Variants in CEMIP2 observed in about 807,000 individuals in gnomAD.
CEMIP2 encodes the protein cell migration inducing hyaluronidase 2.
A neutral mutation model predicts 146.9 loss-of-function variants in CEMIP2; 79 were observed. That is an observed-to-expected ratio of 0.54 (90% CI 0.45 to 0.65). The LOEUF is 0.65. Ranked by LOEUF, CEMIP2 falls within the 30% of genes least tolerant of loss-of-function variation. The pLI, the probability that CEMIP2 is intolerant of heterozygous loss-of-function variation, is 0.00. For missense variants in CEMIP2, 1,596 were observed against 1,696.2 expected, an observed-to-expected ratio of 0.94 and a Z score of 1.04; for synonymous variants, 601 against 606.3, an observed-to-expected ratio of 0.99 and a Z score of 0.13.
chr9:71,685,061 A>T lies in CEMIP2; in HGVS notation c.*136T>A. 1.3e-6 allele frequency: 1 copy of T among 780,962 alleles called. No individual in the cohort carries two copies. Among genetic ancestry groups the T allele is most frequent in the Non-Finnish European group, 1.9e-6 (1 of 520,868 alleles). 48.4% of individuals were successfully genotyped at this position (780,962 alleles called of 1,614,324 possible). A position where few individuals can be genotyped will look rare whatever the true frequency, so the allele number is the denominator to read the frequency against. ...GCTGGTATCCAAGCAATAATTTCAA[A>T]CGCTTTCTTTTCTCCCCATTCTGTA... On this transcript the variant is annotated 3_prime_UTR_variant, in exon 24 of 24. Transcript: ENST00000377044.
intron 11 of CEMIP2, among the ~76,000 whole-genome samples, chr9:71,723,136 G>GAAAAAAAAAAAAAAAAAAAA (rs33948828): frequency 3.8e-5 from 4 of 104,228 alleles, no homozygotes; most frequent in Non-Finnish European, 5.5e-5. Flanking sequence ...AACAGCCAAA[G>GAAAAAAAAAAAAAAAAAAAA]AAAAAAAAAA....
chr9:71,700,838 A>G lies in CEMIP2; in HGVS notation c.3195-14T>C. On this transcript the variant is annotated splice_polypyrimidine_tract_variant and intron_variant, in intron 18 of 23. Coordinates refer to ENST00000377044, the MANE Select transcript of CEMIP2 (RefSeq NM_013390.3). Reference sequence around the variant, plus strand: ...ATCCAGTCATTCCTTTAAAGGAGAAACATAAAAAAATTAGTTTACACTTCA... The same window carrying G: ...ATCCAGTCATTCCTTTAAAGGAGAAGCATAAAAAAATTAGTTTACACTTCA... 1 of 1,594,666 alleles carries G rather than the reference A, an allele frequency of 6.3e-7. No homozygotes were observed. The highest frequency in any genetic ancestry group is 8.5e-7 in the Non-Finnish European group (1 of 1,173,124).
intron 21 of CEMIP2, among the ~76,000 whole-genome samples, chr9:71,694,290 C>T (rs956908187): frequency 6.6e-6 from 1 of 151,882 alleles, no homozygotes; most frequent in Non-Finnish European, 1.5e-5. Context: ...CTACGCCCAG[C>T]TAATTTTTTG....
At chr9:71,763,444 C>A (rs1824698414) in intron 1 of CEMIP2, among the ~76,000 whole-genome samples, 1 of 152,172 alleles carries the variant, frequency 6.6e-6, no homozygotes, top group Non-Finnish European at 1.5e-5. Context: ...TTCTCATGGG[C>A]TCAATGTGGA....
At chr9:71,703,831 T>C (rs941924740) in intron 18 of CEMIP2, among the ~76,000 whole-genome samples, 1 of 152,188 alleles carries the variant, frequency 6.6e-6, no homozygotes, top group Admixed American at 6.5e-5. Context: ...ACAAGACAGA[T>C]TGCTTCATCA....
rs780381975 is a variant in CEMIP2 at position 71,685,400 on chromosome 9, A to C, written c.3956-7T>G. On this transcript the variant is annotated splice_polypyrimidine_tract_variant and splice_region_variant and intron_variant, in intron 23 of 23. Coordinates refer to ENST00000377044, the MANE Select transcript of CEMIP2 (RefSeq NM_013390.3). ...CCCAAAAATATGGTACTCCCTAAAA[A>C]AAAAAAAAAAAAAGAAAAAGAAAAA... 1.5e-5 allele frequency: 22 copies of C among 1,493,086 alleles called. No individual in the cohort carries two copies. In the South Asian group the frequency reaches 2.3e-4, roughly 15 times the overall value. 92.5% of individuals were successfully genotyped at this position (1,493,086 alleles called of 1,614,324 possible). A position where few individuals can be genotyped will look rare whatever the true frequency, so the allele number is the denominator to read the frequency against.
rs1554684986 is a variant in CEMIP2 at position 71,728,836 on chromosome 9, T to TGC, written c.2049+1008_2049+1009insGC. 6.6e-4 allele frequency among the ~76,000 whole-genome samples: 100 copies of TGC among 151,600 alleles called. 1 individual carries two copies. The highest frequency in any genetic ancestry group is 2.5e-3 in the South Asian group (12 of 4,784). ...GTTTTTGTGTGTGTGTGTGTGTGTG[T>TGC]GTGTGTTTTTATTGACACGGGGTCT... On this transcript the variant is annotated intron_variant, in intron 10 of 23. Coordinates refer to ENST00000377044, the MANE Select transcript of CEMIP2 (RefSeq NM_013390.3).
chr9:71,728,802 T>TC (rs1823524850), intron 10 of CEMIP2, among the ~76,000 whole-genome samples: 3 of 129,844 alleles, frequency 2.3e-5, no homozygotes, highest in Non-Finnish European at 4.9e-5. Context: ...CTAAGGTCTT[T>TC]TTTGTGGGGT....
At chr9:71,692,085 G>C (rs1822243845) in intron 21 of CEMIP2, among the ~76,000 whole-genome samples, 1 of 148,732 alleles carries the variant, frequency 6.7e-6, no homozygotes, top group South Asian at 2.1e-4. Context: ...CTTCAGCTTG[G>C]ATGACAGAGC....
chr9:71,708,382 C>T (rs111268980), intron 17 of CEMIP2, among the ~76,000 whole-genome samples: 153 of 152,238 alleles, frequency 1.0e-3, no homozygotes, highest in Non-Finnish European at 2.0e-3. Flanking sequence ...CTAAGAGCAG[C>T]GGGCACTGAA....
chr9:71,756,506 TCACACA>T lies in CEMIP2; in HGVS notation c.-12-6127_-12-6122del, dbSNP rs1554689412. Among the ~76,000 whole-genome samples, 43 of 112,550 alleles carry T rather than the reference TCACACA, an allele frequency of 3.8e-4. 1 individual carries two copies. Among genetic ancestry groups the T allele is most frequent in the South Asian group, 3.5e-3 (10 of 2,860 alleles). 73.8% of individuals were successfully genotyped at this position (112,550 alleles called of 152,430 possible). A position where few individuals can be genotyped will look rare whatever the true frequency, so the allele number is the denominator to read the frequency against. ...CTCTCTCTCTCTCTCTCTCTCTCTC[TCACACA>T]CACACACACACACACACACACAAAC... On this transcript the variant is annotated intron_variant, in intron 1 of 23. Coordinates refer to ENST00000377044, the MANE Select transcript of CEMIP2 (RefSeq NM_013390.3).
At chr9:71,750,829 C>A (rs1041135990) in intron 1 of CEMIP2, among the ~76,000 whole-genome samples, 3 of 152,068 alleles carry the variant, frequency 2.0e-5, no homozygotes, top group Non-Finnish European at 2.9e-5. Flanking sequence ...TCACTACAGT[C>A]TCGCACTCCT....
intron 4 of CEMIP2, among the ~76,000 whole-genome samples, chr9:71,740,645 G>A (rs1049767063): frequency 1.3e-5 from 2 of 151,974 alleles, no homozygotes; most frequent in Non-Finnish European, 2.9e-5. Context: ...AATTACCCAG[G>A]GAGTTTGAAA....
chr9:71,716,631 A>G lies in CEMIP2; in HGVS notation c.2400-79T>C, dbSNP rs1589141679. ...GAGGTAATTCTCTCAATATTTAATT[A>G]TCATGAAATCCAAAAGGTCCCAATA... On this transcript the variant is annotated intron_variant, in intron 13 of 23. Coordinates refer to ENST00000377044, the MANE Select transcript of CEMIP2 (RefSeq NM_013390.3). The G allele has an allele frequency of 7.2e-6, 9 of 1,254,692 alleles. No homozygotes were observed. The East Asian group carries it at 2.2e-4, about 30-fold the overall frequency. The allele number at this position is 1,254,692 out of a possible 1,614,324, so 77.7% of individuals were successfully genotyped here.
chr9:71,708,604 C>G (rs1822821212), intron 17 of CEMIP2, among the ~76,000 whole-genome samples: 1 of 152,174 alleles, frequency 6.6e-6, no homozygotes, highest in African/African-American at 2.4e-5. Flanking sequence ...ACCATATATA[C>G]TACGTTGCAA....
Position 71,714,993 on chromosome 9 carries a change from C to G in CEMIP2, c.2532G>C (p.Gln844His). The change falls in exon 15 of 24, where the codon CAG becomes CAC. Residue 844 changes from glutamine (Q) to histidine (H), a missense_variant. Gln to His is a conservative substitution (Grantham distance 24). Transcript: ENST00000377044. ...TTCCTCCAGTGCCTACATACTTGTT[C>G]TGACCACCCTGAAAGCCGTAATTCC... is the stretch of plus-strand genomic sequence containing the variant. Reference protein sequence around the residue: ...ESRNYGFQGGQNKYVGTGGID... With the variant: ...ESRNYGFQGGHNKYVGTGGID... 6.2e-7 allele frequency: 1 copy of G among 1,614,006 alleles called. No individual in the cohort carries two copies. The highest frequency in any genetic ancestry group is 8.5e-7 in the Non-Finnish European group (1 of 1,179,940).
At chr9:71,749,336 C>A in intron 2 of CEMIP2, among the ~76,000 whole-genome samples, 1 of 151,734 alleles carries the variant, frequency 6.6e-6, no homozygotes, top group African/African-American at 2.4e-5. Context: ...AAGCCACAAA[C>A]ACAAATATTA....
At chr9:71,727,561 C>T (rs1417591607) in intron 10 of CEMIP2, among the ~76,000 whole-genome samples, 2 of 152,170 alleles carry the variant, frequency 1.3e-5, no homozygotes, top group African/African-American at 4.8e-5. Context: ...CCCACTGATG[C>T]CTTTTTTCCT....
At chr9:71,720,995 T>G (rs1823217093) in intron 12 of CEMIP2, among the ~76,000 whole-genome samples, 2 of 152,144 alleles carry the variant, frequency 1.3e-5, no homozygotes, top group South Asian at 4.1e-4. Context: ...CAAGTCTAAT[T>G]AAAACATCAA....
Sources: allele counts gnomAD v4.1 joint callset (sites outside exome capture counted in the v4.1 genomes callset), GRCh38; gene constraint gnomAD v4.1.1; transcripts MANE v1.5; gene names NCBI Gene and HGNC (gene_info 2026-07-23, HGNC 2026-07-21).